RNF217: variants seen among roughly 807,000 people sequenced by gnomAD.
The protein encoded by RNF217 is ring finger protein 217, also known as E3 ubiquitin-protein ligase RNF217.
Under a neutral mutation model 57.8 loss-of-function variants are expected in RNF217, and 31 were observed. The ratio of observed to expected loss-of-function variants is 0.54; its 90% CI spans 0.40 to 0.72. The LOEUF (loss-of-function observed/expected upper bound fraction) is 0.72. Among genes scored for constraint, RNF217 ranks in the 30% least tolerant of loss-of-function variants. RNF217 has a pLI of 0.00. For synonymous variants in RNF217, 313 were observed against 294.0 expected, an observed-to-expected ratio of 1.06 and a Z score of -0.66; for missense variants, 696 against 708.3, an observed-to-expected ratio of 0.98 and a Z score of 0.20.
At chr6:125,019,890 C>T (rs928260371) in intron 1 of RNF217, among the ~76,000 whole-genome samples, 1 of 151,870 alleles carries the variant, frequency 6.6e-6, no homozygotes, top group Non-Finnish European at 1.5e-5. Context: ...TAACATGTTG[C>T]CATTTTTGCC....
chr6:125,008,763 G>A (rs1368468965), intron 1 of RNF217: 1 of 121,640 alleles, frequency 8.2e-6, no homozygotes, highest in Admixed American at 9.2e-5. Flanking sequence ...TTTTAACCCT[G>A]TAGGTTTCCT....
chr6:125,081,928 G>A (rs1788591177), intron 5 of RNF217, among the ~76,000 whole-genome samples: 1 of 152,090 alleles, frequency 6.6e-6, no homozygotes, highest in Non-Finnish European at 1.5e-5. Flanking sequence ...GATAATGTCA[G>A]TGTGTACAGG....
rs369008862 is a variant in RNF217 at position 125,024,176 on chromosome 6, ATTGT to A, written c.883-21031_883-21028del. On this transcript the variant is annotated intron_variant, in intron 1 of 5. Coordinates refer to ENST00000521654, the MANE Select transcript of RNF217 (RefSeq NM_001286398.3). ...CATTGGAGATCAAAAGATGTAAATG[ATTGT>A]TTGAAGAATTAATAAAGTAGGATTT... Among the ~76,000 whole-genome samples the A allele has an allele frequency of 6.3e-4, 96 of 152,354 alleles. 1 individual carries two copies. Among genetic ancestry groups the A allele is most frequent in the African/African-American group, 1.8e-3 (76 of 41,580 alleles).
chr6:125,050,701 G>C (rs183101186), intron 2 of RNF217, among the ~76,000 whole-genome samples: 1 of 151,656 alleles, frequency 6.6e-6, no homozygotes. Context: ...TGAGTATGCT[G>C]CTTTGTTCTG....
At chr6:124,998,891 A>G (rs894366396) in intron 1 of RNF217, among the ~76,000 whole-genome samples, 6 of 152,190 alleles carry the variant, frequency 3.9e-5, no homozygotes, top group Non-Finnish European at 7.4e-5. Context: ...ATCTATTCTC[A>G]CTTTGGTCCA....
At chr6:125,047,281 A>G (rs1442633162) in intron 2 of RNF217, among the ~76,000 whole-genome samples, 1 of 152,080 alleles carries the variant, frequency 6.6e-6, no homozygotes, top group Admixed American at 6.6e-5. Context: ...TGTTGTTTTT[A>G]TGAAATGGGT....
chr6:125,027,108 G>T (rs1240927524), intron 1 of RNF217, among the ~76,000 whole-genome samples: 1 of 151,972 alleles, frequency 6.6e-6, no homozygotes, highest in South Asian at 2.1e-4. Context: ...GCACATCATG[G>T]AGAATGAGGT....
In RNF217 at chr6:125,057,448, C is replaced by G. The variant is rs552779676; in HGVS notation, c.1117-494C>G. ...CTAGCCGCCTCAGCCTCCCAAAGTGCTAGGATTACAGGCATAAGCCACCAC... is the reference window on the plus strand; with the variant it reads ...CTAGCCGCCTCAGCCTCCCAAAGTGGTAGGATTACAGGCATAAGCCACCAC... On this transcript the variant is annotated intron_variant, in intron 2 of 5. Transcript: ENST00000521654. 3.6e-3 allele frequency among the ~76,000 whole-genome samples: 546 copies of G among 152,236 alleles called. 3 individuals carry two copies. Among genetic ancestry groups the G allele is most frequent in the Non-Finnish European group, 4.0e-3 (269 of 68,024 alleles).
rs1304336314 is a variant in RNF217, at chr6:124,962,618, C to A, written c.74C>A (p.Ala25Glu). ...TCGCAGACCCTGGCCAGTGGCACTG[C>A]GGGCCACCCTGAGCCCCCGAGGCCT... ...QESQTLASGT[A>E]GHPEPPRPQG... The change falls in exon 1 of 6, where the codon GCG becomes GAG. Residue 25 changes from alanine (A) to glutamate (E), a missense_variant. Ala to Glu is a moderately radical substitution (Grantham distance 107). This residue lies in a region of RNF217 where 465 missense variants were observed against 386.8 expected (regional missense o/e 1.20). Coordinates refer to ENST00000521654, the MANE Select transcript of RNF217 (RefSeq NM_001286398.3). The surrounding 1 kb of genome is among the most constrained non-coding windows in gnomAD (Gnocchi z 4.6). The A allele has an allele frequency of 1.5e-6, 2 of 1,313,522 alleles. No homozygotes were observed. The highest frequency in any genetic ancestry group is 2.3e-5 in the South Asian group (1 of 43,432). The allele number at this position is 1,313,522 out of a possible 1,614,324, so 81.4% of individuals were successfully genotyped here. A position where few individuals can be genotyped will look rare whatever the true frequency, so the allele number is the denominator to read the frequency against.
chr6:125,030,550 G>T (rs142169960), intron 1 of RNF217, among the ~76,000 whole-genome samples: 1 of 152,176 alleles, frequency 6.6e-6, no homozygotes, highest in Non-Finnish European at 1.5e-5. Flanking sequence ...GGTTTAGAGC[G>T]CCCATGCAAG....
rs763496080 is a variant in RNF217, at chr6:125,076,645, T to C, written c.1282-12T>C. 6.3e-7 allele frequency: 1 copy of C among 1,595,232 alleles called. No individual in the cohort carries two copies. Among genetic ancestry groups the C allele is most frequent in the East Asian group, 2.2e-5 (1 of 44,764 alleles). On this transcript the variant is annotated splice_polypyrimidine_tract_variant and intron_variant, in intron 3 of 5. Coordinates refer to ENST00000521654, the MANE Select transcript of RNF217 (RefSeq NM_001286398.3). ...AACTCTTTCCTTCTCCTTCCCTCTCTTGCTGATACAGATCCACATCCAGCG... is the reference window on the plus strand; with the variant it reads ...AACTCTTTCCTTCTCCTTCCCTCTCCTGCTGATACAGATCCACATCCAGCG...
chr6:125,007,555 G>A (rs962462263), intron 1 of RNF217, among the ~76,000 whole-genome samples: 2 of 152,060 alleles, frequency 1.3e-5, no homozygotes, highest in African/African-American at 4.8e-5. Flanking sequence ...CTGACTTTGA[G>A]CATTTTAAAC....
At chr6:124,989,221 G>T (rs1784464741) in intron 1 of RNF217, among the ~76,000 whole-genome samples, 1 of 152,074 alleles carries the variant, frequency 6.6e-6, no homozygotes, top group Non-Finnish European at 1.5e-5. Flanking sequence ...GAGCGCTTAT[G>T]CTAGTAATGT....
At chr6:125,060,691 C>T (rs1454624443) in intron 3 of RNF217, among the ~76,000 whole-genome samples, 3 of 151,924 alleles carry the variant, frequency 2.0e-5, no homozygotes, top group South Asian at 4.2e-4. Context: ...GTGGTCCACC[C>T]GCCTCAGCCT....
rs535039853 is a variant in RNF217 at position 124,985,991 on chromosome 6, A to G, written c.882+22565A>G. On this transcript the variant is annotated intron_variant, in intron 1 of 5. Coordinates refer to ENST00000521654, the MANE Select transcript of RNF217 (RefSeq NM_001286398.3). ...TTCATGTGTTGAAACTCAGCCATCA[A>G]TGCAATAGTGTTAAGAGATGAGGCG... 1.1e-4 allele frequency among the ~76,000 whole-genome samples: 17 copies of G among 152,274 alleles called. No homozygotes were observed. The South Asian group carries it at 3.3e-3, about 30-fold the overall frequency.
chr6:125,022,619 A>C (rs1295753968), intron 1 of RNF217, among the ~76,000 whole-genome samples: 2 of 152,178 alleles, frequency 1.3e-5, no homozygotes, highest in Admixed American at 6.5e-5. Context: ...CTGGTAGTTA[A>C]GACTGAACAT....
At chr6:125,067,141 C>T (rs1787964345) in intron 3 of RNF217, among the ~76,000 whole-genome samples, 1 of 152,148 alleles carries the variant, frequency 6.6e-6, no homozygotes, top group South Asian at 2.1e-4. Flanking sequence ...ACTGCAAAGG[C>T]ACAGAGCCAG....
At chr6:125,051,730 A>G (rs1787324859) in intron 2 of RNF217, among the ~76,000 whole-genome samples, 1 of 152,008 alleles carries the variant, frequency 6.6e-6, no homozygotes, top group Admixed American at 6.6e-5. Flanking sequence ...ATGTACACTT[A>G]ACACAGTGGA....
intron 1 of RNF217, among the ~76,000 whole-genome samples, chr6:124,970,883 C>T (rs1003539384): frequency 6.6e-6 from 1 of 152,174 alleles, no homozygotes; most frequent in Non-Finnish European, 1.5e-5. Context: ...TCACATGTGT[C>T]TAATGCTTCT....
Sources: gnomAD v4.1 joint callset for allele counts (sites outside exome capture counted in the v4.1 genomes callset) on GRCh38, gnomAD v4.1.1 for gene constraint, gnomAD v4.1.1 regional missense constraint, Gnocchi (gnomAD v3.1) non-coding constraint, MANE v1.5 for transcripts, NCBI Gene and HGNC (gene_info 2026-07-23, HGNC 2026-07-21) for gene names.